Variants in LRRIQ1 observed in about 807,000 individuals in gnomAD.
LRRIQ1 encodes leucine-rich repeat- and IQ domain-containing protein 1.
LRRIQ1 carries 210 observed loss-of-function variants against 211.9 expected under a neutral mutation model. The observed-to-expected ratio is 0.99, with a 90% confidence interval of 0.89 to 1.11. LRRIQ1 has a LOEUF of 1.11. LRRIQ1 is among the 50% of genes most tolerant of loss of function. The pLI is 0.00. For missense variants in LRRIQ1, 2,136 were observed against 1,939.5 expected (o/e 1.10, Z -1.90); for synonymous variants, 699 against 650.1 (o/e 1.08, Z -1.14).
At chr12:85,272,769 T>C in the LRRIQ1 span, among the ~76,000 whole-genome samples, 3 of 152,234 alleles carry the variant, frequency 2.0e-5, no homozygotes, top group East Asian at 5.8e-4. Context: ...GAGGGTCCAT[T>C]TGGGGGCATC....
At chr12:85,221,394 A>G (rs1307663067) in intron 24 of LRRIQ1, among the ~76,000 whole-genome samples, 1 of 152,208 alleles carries the variant, frequency 6.6e-6, no homozygotes, top group Non-Finnish European at 1.5e-5. Flanking sequence ...ATTATATTGT[A>G]TTAGACTGAT....
intron 13 of LRRIQ1, among the ~76,000 whole-genome samples, chr12:85,101,448 T>A (rs1886338368): frequency 6.6e-6 from 1 of 151,812 alleles, no homozygotes; most frequent in Non-Finnish European, 1.5e-5. Context: ...CTATTACCCA[T>A]TGGCTGTTCA....
chr12:85,060,623 G>A (rs574444939), intron 8 of LRRIQ1, among the ~76,000 whole-genome samples: 1 of 151,946 alleles, frequency 6.6e-6, no homozygotes, highest in East Asian at 1.9e-4. Flanking sequence ...TTTTGTAGCT[G>A]TTTTATTCAA....
rs867132728 is a variant in LRRIQ1, at chr12:85,172,831, G to T, written c.4822+12117G>T. 2.0e-5 allele frequency among the ~76,000 whole-genome samples: 3 copies of T among 152,102 alleles called. No individual in the cohort carries two copies. The East Asian group carries it at 5.8e-4, about 29-fold the overall frequency. On this transcript the variant is annotated intron_variant, in intron 24 of 26. Transcript: ENST00000393217. Reference sequence around the variant, plus strand: ...GGGCATTAAAATAAATATATTGGCCGGGTGCAGCAGCTCATACCTGTAATC... The same window carrying T: ...GGGCATTAAAATAAATATATTGGCCTGGTGCAGCAGCTCATACCTGTAATC...
At chr12:85,037,068 A>C (rs1353986159) in intron 1 of LRRIQ1, among the ~76,000 whole-genome samples, 2 of 152,212 alleles carry the variant, frequency 1.3e-5, no homozygotes, top group African/African-American at 4.8e-5. Context: ...CCAAAGAAAG[A>C]ATATAAACTC....
intron 11 of LRRIQ1, among the ~76,000 whole-genome samples, 177 bp downstream of exon 11, chr12:85,073,275 A>T (rs1335266580): frequency 1.3e-5 from 2 of 152,008 alleles, no homozygotes; most frequent in African/African-American, 4.8e-5. Context: ...TACTTTTGAA[A>T]ATATAACATA....
chr12:85,132,290 A>T (rs1888820315), intron 18 of LRRIQ1, among the ~76,000 whole-genome samples: 1 of 152,120 alleles, frequency 6.6e-6, no homozygotes, highest in Non-Finnish European at 1.5e-5. Context: ...CCTCAGGAAA[A>T]AAGATAATCA....
chr12:85,085,184 G>A (rs763351933), intron 11 of LRRIQ1, among the ~76,000 whole-genome samples: 46 of 152,068 alleles, frequency 3.0e-4, no homozygotes, highest in Admixed American at 1.4e-3. Context: ...ATAAATACCC[G>A]AGACTGGGTA....
At position 85,069,766 on chromosome 12, in the gene LRRIQ1, G is replaced by A. The variant is rs541269606; in HGVS notation, c.2695+2868G>A. Among the ~76,000 whole-genome samples, 412 of 152,028 alleles carry A rather than the reference G, an allele frequency of 2.7e-3. 4 individuals are homozygous for A. Among genetic ancestry groups the A allele is most frequent in the African/African-American group, 8.8e-3 (366 of 41,454 alleles). ...TTTGACAAGTGTCTTCATATCCTTCGCCTACTTTTTGATGGGGTTGTTTGT... is the reference window on the plus strand; with the variant it reads ...TTTGACAAGTGTCTTCATATCCTTCACCTACTTTTTGATGGGGTTGTTTGT... On this transcript the variant is annotated intron_variant, in intron 10 of 26. Coordinates refer to ENST00000393217, the MANE Select transcript of LRRIQ1 (RefSeq NM_001079910.2).
chr12:85,075,635 A>G (rs1883562714), intron 11 of LRRIQ1, among the ~76,000 whole-genome samples: 1 of 151,980 alleles, frequency 6.6e-6, no homozygotes, highest in Non-Finnish European at 1.5e-5. Flanking sequence ...TCATGATCCA[A>G]ACACCTCCCA....
chr12:85,064,634 A>G (rs1358369720), intron 8 of LRRIQ1, among the ~76,000 whole-genome samples: 6 of 151,532 alleles, frequency 4.0e-5, no homozygotes, highest in Admixed American at 3.3e-4. Flanking sequence ...TTAAAAAAAT[A>G]TATTATCAGT....
intron 15 of LRRIQ1, among the ~76,000 whole-genome samples, chr12:85,119,244 A>G (rs1236995715): frequency 6.6e-6 from 1 of 152,164 alleles, no homozygotes; most frequent in Non-Finnish European, 1.5e-5. Flanking sequence ...ATGTCATTAA[A>G]TTGGAACAAT....
At chr12:85,115,937 T>C (rs909617443) in intron 15 of LRRIQ1, among the ~76,000 whole-genome samples, 2 of 152,230 alleles carry the variant, frequency 1.3e-5, no homozygotes, top group Non-Finnish European at 2.9e-5. Flanking sequence ...TTGTCATTAA[T>C]TATTCTGCAT....
At chr12:85,089,206 T>G (rs189447110) in intron 11 of LRRIQ1, among the ~76,000 whole-genome samples, 1 of 152,304 alleles carries the variant, frequency 6.6e-6, no homozygotes, top group East Asian at 1.9e-4. Flanking sequence ...AATCATGTGG[T>G]TTTTGTCTTT....
At chr12:85,201,243 CTTTT>C (rs752459984) in intron 24 of LRRIQ1, among the ~76,000 whole-genome samples, 1 of 110,398 alleles carries the variant, frequency 9.1e-6, no homozygotes, top group Non-Finnish European at 2.0e-5. Flanking sequence ...TCTTTCTCTT[CTTTT>C]TTTTTTTTTT....
At chr12:85,144,048 T>C (rs1389455065) in intron 19 of LRRIQ1, among the ~76,000 whole-genome samples, 3 of 151,570 alleles carry the variant, frequency 2.0e-5, no homozygotes, top group African/African-American at 7.3e-5. Context: ...ACTAGTTTAT[T>C]GATCCTCACC....
At chr12:85,124,604 T>G (rs1461668554) in intron 17 of LRRIQ1, 85 bp downstream of exon 17, 13 of 1,025,810 alleles carry the variant, frequency 1.3e-5, no homozygotes, top group Non-Finnish European at 1.9e-5. Context: ...CCTAGTAATT[T>G]GCTGAAGGAT....
intron 1 of LRRIQ1, among the ~76,000 whole-genome samples, chr12:85,255,500 AC>A (rs1896062385): frequency 6.6e-6 from 1 of 151,770 alleles, no homozygotes; most frequent in Non-Finnish European, 1.5e-5. Flanking sequence ...GCCAATTTAA[AC>A]TTTTTTGTTC....
At chr12:85,190,210 T>C (rs1302288731) in intron 24 of LRRIQ1, among the ~76,000 whole-genome samples, 3 of 144,320 alleles carry the variant, frequency 2.1e-5, no homozygotes, top group African/African-American at 7.5e-5. Flanking sequence ...ATAATTATAA[T>C]TTTATAATTT....
Sources: gnomAD v4.1 joint callset for allele counts (sites outside exome capture counted in the v4.1 genomes callset) on GRCh38, gnomAD v4.1.1 for gene constraint, MANE v1.5 for transcripts, NCBI Gene and HGNC (gene_info 2026-07-23, HGNC 2026-07-21) for gene names.